ADAMTSL3: variants seen among roughly 807,000 people sequenced by gnomAD.
ADAMTSL3 encodes ADAMTS like 3, also known as ADAMTS-like protein 3.
In ADAMTSL3, 128 loss-of-function variants were observed where a neutral mutation model predicts 201.7. The ratio of observed to expected loss-of-function variants is 0.63; its 90% confidence interval spans 0.55 to 0.73. The LOEUF (loss-of-function observed/expected upper bound fraction) is 0.73, where lower values mean the gene tolerates loss of function less well. ADAMTSL3 is among the 30% of genes least tolerant of loss of function. The probability of loss-of-function intolerance (pLI) is 0.00; values close to 1 mark genes in which losing one functional copy is unlikely to be tolerated. For synonymous variants in ADAMTSL3, 738 were observed against 748.4 expected, an observed-to-expected ratio of 0.99 and a Z score of 0.23; for missense variants, 1,990 against 2,119.6, an observed-to-expected ratio of 0.94 and a Z score of 1.20.
chr15:83,779,815 TG>T (rs1596193312), intron 4 of ADAMTSL3, among the ~76,000 whole-genome samples: 1 of 152,046 alleles, frequency 6.6e-6, no homozygotes, highest in East Asian at 1.9e-4. Context: ...TTGAATAACT[TG>T]CTTCTGAATG....
At chr15:83,682,322 T>C (rs910892755) in intron 2 of ADAMTSL3, among the ~76,000 whole-genome samples, 1 of 152,204 alleles carries the variant, frequency 6.6e-6, no homozygotes, top group Non-Finnish European at 1.5e-5. Context: ...GATCTACACC[T>C]ATAGCTCACC....
intron 4 of ADAMTSL3, among the ~76,000 whole-genome samples, chr15:83,783,251 C>A (rs1567141979): frequency 2.0e-5 from 3 of 151,334 alleles, no homozygotes; most frequent in Admixed American, 6.6e-5. Context: ...CCATTAAAAG[C>A]AAAATAAAAC....
In ADAMTSL3 at chr15:83,820,042, T is replaced by C. The variant is rs956317063; in HGVS notation, c.595T>C (p.Cys199Arg). 60 of 1,613,852 alleles carry C rather than the reference T, an allele frequency of 3.7e-5. No homozygotes were observed. Among genetic ancestry groups the C allele is most frequent in the Non-Finnish European group, 5.1e-5 (60 of 1,179,722 alleles). Residue 199 changes from cysteine to arginine, a missense_variant, in exon 6 of 30, where the codon TGT (cysteine) becomes CGT (arginine). Coordinates refer to ENST00000286744, the MANE Select transcript of ADAMTSL3 (RefSeq NM_207517.3). ...CTTGGACATGTGTATCAGTGGCATC[T>C]GTCAGGTAAGCACACTTACCTCCCA... ...DSLDMCISGI[C>R]QAVGCDRQLG...
intron 3 of ADAMTSL3, among the ~76,000 whole-genome samples, chr15:83,766,290 T>A (rs892513577): frequency 6.6e-6 from 1 of 152,200 alleles, no homozygotes. Flanking sequence ...AGATCCACAT[T>A]GTATTCACAG....
intron 28 of ADAMTSL3, 49 bp downstream of exon 28, chr15:84,031,481 G>GGA: frequency 6.6e-7 from 1 of 1,524,104 alleles, no homozygotes. Context: ...GACTCACTCA[G>GGA]GACAATGATT....
In ADAMTSL3 at chr15:83,883,282, C is replaced by G. The variant is rs1199616047; in HGVS notation, c.961-1819C>G. Among the ~76,000 whole-genome samples the G allele has an allele frequency of 2.6e-5, 4 of 151,828 alleles. No homozygotes were observed. In the East Asian group the frequency reaches 7.7e-4, roughly 29 times the overall value. On this transcript the variant is annotated intron_variant, in intron 9 of 29. Transcript: ENST00000286744. The stretch of plus-strand genomic sequence containing the variant: ...CTGCCTCCCGGGTTCAAGCAATTCT[C>G]CTGCCTCAGCTTCCCGAGTAGCTGG...
intron 3 of ADAMTSL3, among the ~76,000 whole-genome samples, chr15:83,718,751 G>A (rs2062054707): frequency 6.6e-6 from 1 of 150,932 alleles, no homozygotes; most frequent in African/African-American, 2.4e-5. Flanking sequence ...AAATTGCAAA[G>A]GACTTAAGCA....
chr15:83,753,442 ATTAC>A (rs2062670702), intron 3 of ADAMTSL3, among the ~76,000 whole-genome samples: 1 of 152,166 alleles, frequency 6.6e-6, no homozygotes, highest in South Asian at 2.1e-4. Context: ...GGCTTCTTTC[ATTAC>A]TTACTTTGGT....
intron 20 of ADAMTSL3, among the ~76,000 whole-genome samples, chr15:83,976,290 T>G (rs754873851): frequency 6.6e-6 from 1 of 152,042 alleles, no homozygotes; most frequent in Admixed American, 6.6e-5. Context: ...AGCAGTCTCA[T>G]TGACTTGTGT....
chr15:84,008,907 G>A (rs192182067), intron 23 of ADAMTSL3, among the ~76,000 whole-genome samples: 4 of 152,162 alleles, frequency 2.6e-5, no homozygotes, highest in Admixed American at 2.0e-4. Flanking sequence ...TCCTGGAGTC[G>A]GTTTTTACTC....
chr15:83,885,995 A>G (rs536507891), intron 10 of ADAMTSL3, among the ~76,000 whole-genome samples: 1 of 152,276 alleles, frequency 6.6e-6, no homozygotes, highest in Admixed American at 6.5e-5. Flanking sequence ...AAGTGCTGGG[A>G]TTACAGGCAT....
intron 2 of ADAMTSL3, among the ~76,000 whole-genome samples, chr15:83,675,586 C>CTTTTTTTT (rs77339448): frequency 7.9e-6 from 1 of 126,054 alleles, no homozygotes; most frequent in Non-Finnish European, 1.7e-5. Context: ...GTGCTGTTTT[C>CTTTTTTTT]TTTTTTTTTT....
intron 2 of ADAMTSL3, among the ~76,000 whole-genome samples, chr15:83,673,081 A>G (rs1434109563): frequency 6.6e-6 from 1 of 152,206 alleles, no homozygotes; most frequent in Non-Finnish European, 1.5e-5. Flanking sequence ...CATGGAGCAA[A>G]GAAGGAATGC....
chr15:83,737,660 A>G (rs2062389533), intron 3 of ADAMTSL3, among the ~76,000 whole-genome samples: 1 of 152,192 alleles, frequency 6.6e-6, no homozygotes, highest in African/African-American at 2.4e-5. Context: ...GACTAATACA[A>G]TAACCAAACA....
At chr15:83,681,871 C>T (rs749672330) in intron 2 of ADAMTSL3, among the ~76,000 whole-genome samples, 1 of 152,152 alleles carries the variant, frequency 6.6e-6, no homozygotes, top group Admixed American at 6.5e-5. Context: ...TTATTTACTC[C>T]CCATAACATT....
In ADAMTSL3 at chr15:83,982,435, T is replaced by G; in HGVS notation, c.2807T>G (p.Val936Gly). ...PNTSVIIKCP[V>G]RRFQKSLIQW... is the part of the protein sequence containing the mutation. ...ACATCCGTGATTATTAAGTGCCCCG[T>G]GCGACGATTCCAGAAATCTCTGATC... The change falls in exon 21 of 30, where the codon GTG (valine) becomes GGG (glycine). Residue 936 changes from valine to glycine, a missense_variant. By Grantham distance (109) the Val-to-Gly change is moderately radical (BLOSUM62 -3). Coordinates refer to ENST00000286744, the MANE Select transcript of ADAMTSL3 (RefSeq NM_207517.3). The G allele has an allele frequency of 6.2e-7, 1 of 1,614,144 alleles. No homozygotes were observed. The highest frequency in any genetic ancestry group is 8.5e-7 in the Non-Finnish European group (1 of 1,180,042).
chr15:83,735,350 AAACT>A (rs1241560275), intron 3 of ADAMTSL3, among the ~76,000 whole-genome samples: 1 of 152,176 alleles, frequency 6.6e-6, no homozygotes, highest in Non-Finnish European at 1.5e-5. Context: ...ATAAGATAAT[AAACT>A]AACAGTGTTT....
rs370081267 is a variant in ADAMTSL3 at position 84,021,507 on chromosome 15, G to T, written c.4371G>T (p.Gly1457=). 1.9e-6 allele frequency: 3 copies of T among 1,614,020 alleles called. No individual in the cohort carries two copies. In the African/African-American group the frequency reaches 4.0e-5, roughly 22 times the overall value. The change falls in exon 26 of 30, where the codon GGG becomes GGT. Residue 1457 remains glycine, a synonymous_variant. Transcript: ENST00000286744. The part of the protein sequence containing the change: ...IQRPQCVMAN[G]QEVSEALCDH... ...GACCCCAGTGTGTGATGGCCAATGG[G>T]CAGGAAGTGAGTGAGGCCCTGTGTG...
rs112200806 is a variant in ADAMTSL3 at position 83,779,798 on chromosome 15, A to G, written c.317+6148A>G. Among the ~76,000 whole-genome samples the G allele has an allele frequency of 1.3e-4, 20 of 152,184 alleles. 1 individual carries two copies. The highest frequency in any genetic ancestry group is 3.9e-4 in the African/African-American group (16 of 41,532). ...AAATCACTTAAAACCATACAATCAC[A>G]TGGAAATTGAATAACTTGCTTCTGA... On this transcript the variant is annotated intron_variant, in intron 4 of 29. Coordinates refer to ENST00000286744, the MANE Select transcript of ADAMTSL3 (RefSeq NM_207517.3).
Sources: allele counts gnomAD v4.1 joint callset (sites outside exome capture counted in the v4.1 genomes callset), GRCh38; gene constraint gnomAD v4.1.1; transcripts MANE v1.5; gene names NCBI Gene and HGNC (gene_info 2026-07-23, HGNC 2026-07-21).